The following FBXL7 variants were observed in gnomAD, a reference collection of about 807,000 sequenced individuals.
FBXL7 encodes the protein F-box and leucine rich repeat protein 7.
Under a neutral mutation model 38.3 loss-of-function variants are expected in FBXL7, and 12 were observed. The ratio of observed to expected loss-of-function variants is 0.31; its 90% confidence interval spans 0.20 to 0.51. The LOEUF (loss-of-function observed/expected upper bound fraction) is 0.51. Among genes scored for constraint, FBXL7 ranks in the 20% least tolerant of loss-of-function variants. The pLI is 0.98. For missense variants in FBXL7, 567 were observed against 676.4 expected, an observed-to-expected ratio of 0.84 and a Z score of 1.79; for synonymous variants, 297 against 300.9, an observed-to-expected ratio of 0.99 and a Z score of 0.13.
At chr5:15,879,756 C>A (rs1279426647) in intron 2 of FBXL7, among the ~76,000 whole-genome samples, 1 of 151,908 alleles carries the variant, frequency 6.6e-6, no homozygotes, top group Non-Finnish European at 1.5e-5. Context: ...GTGAACAAGA[C>A]CAAAAAGGAG....
chr5:15,818,731 TGTGTGTGTGTGTGAGAGA>T (rs911498182), intron 2 of FBXL7, among the ~76,000 whole-genome samples: 14 of 91,912 alleles, frequency 1.5e-4, no homozygotes, highest in East Asian at 7.6e-4. Context: ...TGTGTGTGTG[TGTGTGTGTGTGTGAGAGA>T]GAGAGAGATT....
intron 1 of FBXL7, among the ~76,000 whole-genome samples, chr5:15,609,286 T>A (rs1338850700): frequency 6.6e-6 from 1 of 152,216 alleles, no homozygotes; most frequent in Non-Finnish European, 1.5e-5. Flanking sequence ...CAGAGCCACC[T>A]GAAGGGCAGG....
chr5:15,831,885 C>G (rs780417443), intron 2 of FBXL7, among the ~76,000 whole-genome samples: 18 of 152,110 alleles, frequency 1.2e-4, no homozygotes, highest in Non-Finnish European at 2.5e-4. Context: ...GTAAAACCAC[C>G]ATGCCCTCCC....
chr5:15,816,060 C>T (rs1738005085), intron 2 of FBXL7, among the ~76,000 whole-genome samples: 1 of 152,010 alleles, frequency 6.6e-6, no homozygotes, highest in Admixed American at 6.6e-5. Context: ...AAGTTATTAT[C>T]ATTTCTTTAT....
chr5:15,706,399 AG>A (rs2126637910), intron 2 of FBXL7, among the ~76,000 whole-genome samples: 1 of 152,294 alleles, frequency 6.6e-6, no homozygotes, highest in Admixed American at 6.5e-5. Context: ...CCTCCCCAGA[AG>A]CTGAGCAACG....
At chr5:15,742,047 G>A (rs151219246) in intron 2 of FBXL7, among the ~76,000 whole-genome samples, 7 of 152,230 alleles carry the variant, frequency 4.6e-5, no homozygotes, top group Admixed American at 2.0e-4. Context: ...TATTAAATGC[G>A]CATATGTGTT....
chr5:15,570,559 A>G (rs1030780274), intron 1 of FBXL7, among the ~76,000 whole-genome samples: 6 of 152,102 alleles, frequency 3.9e-5, no homozygotes, highest in Non-Finnish European at 5.9e-5. Context: ...CTGAATATAC[A>G]ACGAGCAAGT....
At chr5:15,534,967 G>A (rs1366544389) in intron 1 of FBXL7, among the ~76,000 whole-genome samples, 1 of 152,194 alleles carries the variant, frequency 6.6e-6, no homozygotes, top group Non-Finnish European at 1.5e-5. Context: ...GGATCATGAA[G>A]GTAGTTTCAC....
chr5:15,696,430 G>T (rs1286947333), intron 2 of FBXL7, among the ~76,000 whole-genome samples: 1 of 152,148 alleles, frequency 6.6e-6, no homozygotes, highest in Non-Finnish European at 1.5e-5. Flanking sequence ...AATAAAACTG[G>T]AACATAACCT....
chr5:15,595,193 T>G (rs1739592619), intron 1 of FBXL7, among the ~76,000 whole-genome samples: 1 of 152,212 alleles, frequency 6.6e-6, no homozygotes, highest in Non-Finnish European at 1.5e-5. Context: ...GTACTATAAG[T>G]GTCAGTTGTG....
chr5:15,848,304 T>TAA (rs148747683), intron 2 of FBXL7, among the ~76,000 whole-genome samples: 45 of 149,306 alleles, frequency 3.0e-4, no homozygotes, highest in African/African-American at 1.1e-3. Flanking sequence ...CTACCTTTCT[T>TAA]AAAAAAAAAA....
rs540951356 is a variant in FBXL7 at position 15,928,028 on chromosome 5, A to G, written c.266A>G (p.His89Arg). Residue 89 changes from histidine to arginine, a missense_variant, in exon 3 of 4, where the codon CAC becomes CGC. His to Arg is a conservative substitution (Grantham distance 29). Transcript: ENST00000504595. The surrounding 1 kb of genome is among the most constrained non-coding windows in gnomAD (Gnocchi z 4.0). ...SITGETVAMVHSPPPTRLTHP... is the reference protein window; with the variant it reads ...SITGETVAMVRSPPPTRLTHP... ...ACCGGGGAGACGGTGGCCATGGTGC[A>G]CTCCCCGCCCCCGACCCGCCTCACA... 7 of 1,323,722 alleles carry G rather than the reference A, an allele frequency of 5.3e-6. No individual in the cohort carries two copies. The highest frequency in any genetic ancestry group is 1.8e-5 in the Admixed American group (1 of 55,388). The allele number at this position is 1,323,722 out of a possible 1,614,324, so 82.0% of individuals were successfully genotyped here. A position where few individuals can be genotyped will look rare whatever the true frequency, so the allele number is the denominator to read the frequency against.
intron 2 of FBXL7, among the ~76,000 whole-genome samples, chr5:15,832,315 T>G (rs1368076330): frequency 6.6e-6 from 1 of 152,204 alleles, no homozygotes; most frequent in Non-Finnish European, 1.5e-5. Flanking sequence ...TGAAATATTA[T>G]TTTGTTACAT....
intron 3 of FBXL7, among the ~76,000 whole-genome samples, chr5:15,933,340 C>T (rs1012802580): frequency 9.9e-5 from 15 of 152,136 alleles, no homozygotes; most frequent in Admixed American, 1.3e-4. Context: ...TATTATCTTT[C>T]CTAGAGTGTA....
chr5:15,509,537 C>A (rs1481516547), intron 1 of FBXL7, among the ~76,000 whole-genome samples: 1 of 152,192 alleles, frequency 6.6e-6, no homozygotes, highest in Admixed American at 6.5e-5. Context: ...AATGACAACC[C>A]TGGACAACGT....
At chr5:15,809,626 C>T (rs1422089939) in intron 2 of FBXL7, among the ~76,000 whole-genome samples, 1 of 151,762 alleles carries the variant, frequency 6.6e-6, no homozygotes, top group Non-Finnish European at 1.5e-5. Flanking sequence ...ATGCTTTATA[C>T]TCCTAGAAAG....
intron 1 of FBXL7, among the ~76,000 whole-genome samples, chr5:15,601,495 TCTTGCA>T (rs1236604877): frequency 6.6e-6 from 1 of 152,106 alleles, no homozygotes; most frequent in African/African-American, 2.4e-5. Context: ...CTGTGTTAAC[TCTTGCA>T]CAATTGCCTA....
At chr5:15,848,031 C>G (rs1307349813) in intron 2 of FBXL7, among the ~76,000 whole-genome samples, 1 of 152,148 alleles carries the variant, frequency 6.6e-6, no homozygotes, top group African/African-American at 2.4e-5. Context: ...AACAATACTC[C>G]TGACCCACAA....
At chr5:15,666,315 T>G (rs1742274445) in intron 2 of FBXL7, among the ~76,000 whole-genome samples, 1 of 152,342 alleles carries the variant, frequency 6.6e-6, no homozygotes, top group East Asian at 1.9e-4. Context: ...TAATTATGTT[T>G]AAGTGTGCAA....
Sources: allele counts gnomAD v4.1 joint callset (sites outside exome capture counted in the v4.1 genomes callset), GRCh38; gene constraint gnomAD v4.1.1; non-coding constraint Gnocchi (gnomAD v3.1); transcripts MANE v1.5; gene names NCBI Gene and HGNC (gene_info 2026-07-23, HGNC 2026-07-21).